SNX27: variants seen among roughly 807,000 people sequenced by gnomAD.
The protein encoded by SNX27 is sorting nexin 27.
SNX27 carries 22 observed loss-of-function variants against 71.6 expected under a neutral mutation model. The observed-to-expected ratio is 0.31, with a 90% CI of 0.22 to 0.44. The LOEUF (loss-of-function observed/expected upper bound fraction) is 0.44. Among genes scored for constraint, SNX27 ranks in the 20% least tolerant of loss-of-function variants. The pLI is 1.00. For missense variants in SNX27, 531 were observed against 698.6 expected (o/e 0.76, Z 2.70); for synonymous variants, 269 against 277.2 (o/e 0.97, Z 0.29).
intron 5 of SNX27, 62 bp downstream of exon 5, chr1:151,662,332 A>AAT: frequency 9.5e-7 from 1 of 1,050,984 alleles, no homozygotes; most frequent in East Asian, 2.5e-5. Context: ...AGATAGATTA[A>AAT]ATAAGTCAAT....
chr1:151,629,464 TATATAC>T (rs1668101023), intron 1 of SNX27: 1 of 28,210 alleles, frequency 3.5e-5, no homozygotes, highest in South Asian at 4.9e-4. Flanking sequence ...TATATACGTA[TATATAC>T]ATATATACGT....
At chr1:151,678,802 C>T (rs1670813818) in intron 7 of SNX27, 1 of 152,168 alleles carries the variant, frequency 6.6e-6, no homozygotes, top group Non-Finnish European at 1.5e-5. Flanking sequence ...CAACCCGTGC[C>T]TCCTGGGTTC....
At chr1:151,664,405 C>A (rs1417453120) in intron 5 of SNX27, among the ~76,000 whole-genome samples, 4 of 151,818 alleles carry the variant, frequency 2.6e-5, no homozygotes, top group Non-Finnish European at 5.9e-5. Context: ...TTCATATTAT[C>A]CTTGCTTTTT....
chr1:151,687,827 A>G (rs958358852), intron 8 of SNX27, among the ~76,000 whole-genome samples: 5 of 152,074 alleles, frequency 3.3e-5, no homozygotes, highest in African/African-American at 1.2e-4. Context: ...GGGCGCCTGT[A>G]GTCCCAGCTA....
chr1:151,674,815 T>C (rs554516401), intron 7 of SNX27, among the ~76,000 whole-genome samples: 1 of 152,028 alleles, frequency 6.6e-6, no homozygotes, highest in South Asian at 2.1e-4. Flanking sequence ...GCCTCCTGAG[T>C]AGCTGGGATT....
At chr1:151,616,117 T>C (rs1483085231) in intron 1 of SNX27, among the ~76,000 whole-genome samples, 1 of 152,242 alleles carries the variant, frequency 6.6e-6, no homozygotes, top group Non-Finnish European at 1.5e-5. Flanking sequence ...TAACATATAC[T>C]GAGTGTTTTC....
At chr1:151,649,961 C>A (rs183745996) in intron 2 of SNX27, among the ~76,000 whole-genome samples, 1 of 152,082 alleles carries the variant, frequency 6.6e-6, no homozygotes, top group Non-Finnish European at 1.5e-5. Flanking sequence ...CATCTTGGCT[C>A]GCTGCAACCT....
chr1:151,650,596 T>C (rs906462111), intron 2 of SNX27, among the ~76,000 whole-genome samples: 3 of 151,916 alleles, frequency 2.0e-5, no homozygotes, highest in African/African-American at 4.8e-5. Context: ...ATTTTTCTCT[T>C]TTTTTTTAAA....
Position 151,623,181 on chromosome 1 carries a change from G to A in SNX27, c.311+10669G>A, listed in dbSNP as rs189813129. Among the ~76,000 whole-genome samples the A allele has an allele frequency of 6.3e-4, 96 of 151,282 alleles. 1 individual carries two copies. In the East Asian group the frequency reaches 0.015, roughly 23 times the overall value. On this transcript the variant is annotated intron_variant, in intron 1 of 11. Coordinates refer to ENST00000458013, the MANE Select transcript of SNX27 (RefSeq NM_001330723.2). ...TTTTTTGAGATGGAGTCTCGCTGTC[G>A]CCCAGGCTGGAGTGCAGTGGCACGA...
At chr1:151,622,197 C>G (rs1667705545) in intron 1 of SNX27, among the ~76,000 whole-genome samples, 1 of 152,106 alleles carries the variant, frequency 6.6e-6, no homozygotes, top group Non-Finnish European at 1.5e-5. Context: ...GGTCATATCC[C>G]TTCAAAAGTA....
chr1:151,677,319 T>TAAA (rs1423042716), intron 7 of SNX27: 1 of 152,214 alleles, frequency 6.6e-6, no homozygotes, highest in Non-Finnish European at 1.5e-5. Context: ...CGTGGTTTTA[T>TAAA]GTTTTATCAA....
chr1:151,613,542 C>T (rs1285590668), intron 1 of SNX27, among the ~76,000 whole-genome samples: 1 of 151,992 alleles, frequency 6.6e-6, no homozygotes, highest in East Asian at 1.9e-4. Flanking sequence ...CTAGTCTTTC[C>T]CTCCCCTAGG....
chr1:151,693,506 T>G, intron 11 of SNX27, 23 bp downstream of exon 11: 1 of 1,613,980 alleles, frequency 6.2e-7, no homozygotes, highest in South Asian at 1.1e-5. Context: ...AGTCCTTGAA[T>G]TGACCTTTTC....
intron 1 of SNX27, among the ~76,000 whole-genome samples, chr1:151,620,276 G>A (rs567307029): frequency 2.0e-5 from 3 of 152,304 alleles, no homozygotes; most frequent in African/African-American, 7.2e-5. Flanking sequence ...ATATAGCTGT[G>A]TGTGCATTAA....
chr1:151,677,974 G>T (rs1670772492), intron 7 of SNX27: 1 of 152,028 alleles, frequency 6.6e-6, no homozygotes, highest in South Asian at 2.1e-4. Context: ...GCCATTTTTA[G>T]TGTATAGTTC....
intron 6 of SNX27, chr1:151,666,441 T>A (rs1170862213): frequency 6.5e-6 from 1 of 152,682 alleles, no homozygotes; most frequent in African/African-American, 2.4e-5. Context: ...ATGCATACAT[T>A]TAAGTTTCTG....
At chr1:151,658,790 T>C (rs1468842025) in intron 3 of SNX27, among the ~76,000 whole-genome samples, 1 of 152,184 alleles carries the variant, frequency 6.6e-6, no homozygotes, top group Non-Finnish European at 1.5e-5. Flanking sequence ...GTTCAAGTGA[T>C]TCTCCTGCCT....
chr1:151,673,633 C>T (rs1670540556), intron 7 of SNX27, among the ~76,000 whole-genome samples: 1 of 152,050 alleles, frequency 6.6e-6, no homozygotes, highest in South Asian at 2.1e-4. Context: ...GTTGAGGTCT[C>T]CAGCTATTAC....
rs1312021432 is a variant in SNX27 at position 151,695,015 on chromosome 1, G to A, written c.*598G>A. On this transcript the variant is annotated 3_prime_UTR_variant, in exon 12 of 12. Coordinates refer to ENST00000458013, the MANE Select transcript of SNX27 (RefSeq NM_001330723.2). Reference sequence around the variant, plus strand: ...AAATACCTCTCCTCATGAAGGACTTGAAAAGTTTACAACCTGCTTGGATTT... The same window carrying A: ...AAATACCTCTCCTCATGAAGGACTTAAAAAGTTTACAACCTGCTTGGATTT... 1.3e-5 allele frequency: 2 copies of A among 152,586 alleles called. No homozygotes were observed. Among genetic ancestry groups the A allele is most frequent in the Non-Finnish European group, 2.9e-5 (2 of 68,020 alleles). 9.5% of individuals were successfully genotyped at this position (152,586 alleles called of 1,614,324 possible).
Sources: allele counts gnomAD v4.1 joint callset (sites outside exome capture counted in the v4.1 genomes callset), GRCh38; gene constraint gnomAD v4.1.1; transcripts MANE v1.5; gene names NCBI Gene and HGNC (gene_info 2026-07-23, HGNC 2026-07-21).